FUT8: variants seen among roughly 807,000 people sequenced by gnomAD.
FUT8 encodes the protein fucosyltransferase 8.
In FUT8, 29 loss-of-function variants were observed where a neutral mutation model predicts 71.3. That is an observed-to-expected ratio of 0.41 (90% CI 0.30 to 0.55). The LOEUF (loss-of-function observed/expected upper bound fraction) is 0.55, where lower values mean the gene tolerates loss of function less well. FUT8 is among the 20% of genes least tolerant of loss of function. The probability of loss-of-function intolerance (pLI) is 0.34; values close to 1 mark genes in which losing one functional copy is unlikely to be tolerated. For synonymous variants in FUT8, 254 were observed against 239.3 expected, an observed-to-expected ratio of 1.06 and a Z score of -0.57; for missense variants, 544 against 702.1, an observed-to-expected ratio of 0.77 and a Z score of 2.55.
chr14:65,636,500 T>C (rs1409020665), intron 6 of FUT8: 1 of 152,222 alleles, frequency 6.6e-6, no homozygotes, highest in African/African-American at 2.4e-5. Context: ...ACTTTCCTCT[T>C]AGCACCACCT....
intron 7 of FUT8, among the ~76,000 whole-genome samples, chr14:65,709,166 CAA>C (rs1475127868): frequency 6.6e-6 from 1 of 151,834 alleles, no homozygotes; most frequent in Non-Finnish European, 1.5e-5. Flanking sequence ...TAAAACAAAA[CAA>C]ATATGTAGGT....
At chr14:65,566,923 C>G (rs1348766554) in intron 3 of FUT8, among the ~76,000 whole-genome samples, 1 of 151,882 alleles carries the variant, frequency 6.6e-6, no homozygotes, top group East Asian at 1.9e-4. Context: ...TTGAACCAGC[C>G]ATGTTGCTTC....
intron 1 of FUT8, among the ~76,000 whole-genome samples, chr14:65,416,633 C>A (rs2065223013): frequency 6.6e-6 from 1 of 151,902 alleles, no homozygotes; most frequent in Admixed American, 6.6e-5. Flanking sequence ...TACATTGCAG[C>A]TTGTTATAGT....
rs1896594958 is a variant in FUT8 at position 65,743,334 on chromosome 14, A to G, written c.*924A>G. 6.6e-6 allele frequency: 1 copy of G among 151,852 alleles called. No individual in the cohort carries two copies. The highest frequency in any genetic ancestry group is 1.5e-5 in the Non-Finnish European group (1 of 67,878). The allele number at this position is 151,852 out of a possible 1,614,324, so 9.4% of individuals were successfully genotyped here. On this transcript the variant is annotated 3_prime_UTR_variant, in exon 11 of 11. Coordinates refer to ENST00000673929, the MANE Select transcript of FUT8 (RefSeq NM_001371533.1). ...ATTTTAATACTGAAAACCAATTTTC[A>G]TTGGTACACATTACAAAATTGCTAA...
rs763718984 is a variant in FUT8 at position 65,700,381 on chromosome 14, G to GTTTTTTTTT, written c.836-21375_836-21367dup. 1.6e-3 allele frequency among the ~76,000 whole-genome samples: 80 copies of GTTTTTTTTT among 48,884 alleles called. 10 individuals are homozygous for GTTTTTTTTT. Among genetic ancestry groups the GTTTTTTTTT allele is most frequent in the African/African-American group, 1.9e-3 (22 of 11,838 alleles). The allele number at this position is 48,884 out of a possible 152,430, so 32.1% of individuals were successfully genotyped here. On this transcript the variant is annotated intron_variant, in intron 7 of 10. Coordinates refer to ENST00000673929, the MANE Select transcript of FUT8 (RefSeq NM_001371533.1). ...AAACTACTTTCTTTTCTTTCTTTCT[G>GTTTTTTTTT]TTTTTTTTTTTTTTTTTTTTTTTTT...
At chr14:65,538,370 T>C (rs1594751222) in intron 2 of FUT8, among the ~76,000 whole-genome samples, 1 of 152,008 alleles carries the variant, frequency 6.6e-6, no homozygotes, top group Non-Finnish European at 1.5e-5. Flanking sequence ...TCCTGAAGGG[T>C]TTCCAGCTTC....
chr14:65,400,407 C>T, the FUT8 span, among the ~76,000 whole-genome samples: 1 of 152,192 alleles, frequency 6.6e-6, no homozygotes, highest in African/African-American at 2.4e-5. Flanking sequence ...CCACAAGTGG[C>T]AGAGACATTA....
At chr14:65,524,435 CTT>C (rs1194913116) in intron 2 of FUT8, among the ~76,000 whole-genome samples, 2 of 152,178 alleles carry the variant, frequency 1.3e-5, no homozygotes, top group African/African-American at 4.8e-5. Context: ...TATCCTGAGA[CTT>C]TGCTGAAGTT....
At chr14:65,692,189 T>C (rs8014340) in intron 7 of FUT8, among the ~76,000 whole-genome samples, 148,520 of 150,912 alleles carry the variant, frequency 0.98, 73,136 homozygotes, top group Middle Eastern at 1. Context: ...CGGGCAGAGG[T>C]TCCCCTCACC....
At chr14:65,564,849 A>G (rs1886104764) in intron 3 of FUT8, among the ~76,000 whole-genome samples, 1 of 152,004 alleles carries the variant, frequency 6.6e-6, no homozygotes, top group African/African-American at 2.4e-5. Flanking sequence ...TGTCTGTATT[A>G]GTAGTTCATT....
In FUT8 at chr14:65,495,491, C is replaced by T. The variant is rs117752101; in HGVS notation, c.-228+39773C>T. ...AACAAATGGGAGTTATGTGTTCCTC[C>T]GGGGTATGGTCCATTTGTATATTGC... On this transcript the variant is annotated intron_variant, in intron 2 of 10. Transcript: ENST00000673929. 6.2e-3 allele frequency among the ~76,000 whole-genome samples: 948 copies of T among 152,056 alleles called. 11 individuals are homozygous for T. The highest frequency in any genetic ancestry group is 0.035 in the East Asian group (183 of 5,176).
At chr14:65,462,028 C>T (rs1377648701) in intron 2 of FUT8, among the ~76,000 whole-genome samples, 1 of 152,094 alleles carries the variant, frequency 6.6e-6, no homozygotes, top group African/African-American at 2.4e-5. Flanking sequence ...GTTTCAATTT[C>T]CTCATAGATA....
chr14:65,429,631 G>A (rs184737324), intron 1 of FUT8, among the ~76,000 whole-genome samples: 11 of 152,204 alleles, frequency 7.2e-5, no homozygotes, highest in Non-Finnish European at 1.0e-4. Context: ...TGGAGGCTGA[G>A]ATGGGAGGAT....
At chr14:65,387,257 T>A in the FUT8 span, among the ~76,000 whole-genome samples, 1 of 152,364 alleles carries the variant, frequency 6.6e-6, no homozygotes, top group South Asian at 2.1e-4. Context: ...GATAGGCAAG[T>A]GCAGAGCAAC....
At chr14:65,525,868 A>C (rs1036122741) in intron 2 of FUT8, among the ~76,000 whole-genome samples, 4 of 152,112 alleles carry the variant, frequency 2.6e-5, no homozygotes, top group African/African-American at 9.7e-5. Flanking sequence ...GTAGTTGAGC[A>C]GTTTTGAGTG....
intron 1 of FUT8, among the ~76,000 whole-genome samples, chr14:65,430,990 A>ATTTT (rs5809273): frequency 4.7e-5 from 6 of 127,020 alleles, no homozygotes; most frequent in South Asian, 2.6e-4. Flanking sequence ...TTTTCTACTA[A>ATTTT]TTTTTTTTTT....
chr14:65,682,236 C>G (rs1893070834), intron 7 of FUT8, among the ~76,000 whole-genome samples: 1 of 152,236 alleles, frequency 6.6e-6, no homozygotes, highest in African/African-American at 2.4e-5. Flanking sequence ...GGTGTGGTGG[C>G]TCACGCTTAT....
chr14:65,631,168 C>A (rs1890162765), intron 6 of FUT8, among the ~76,000 whole-genome samples: 2 of 152,148 alleles, frequency 1.3e-5, no homozygotes, highest in South Asian at 4.1e-4. Context: ...TCAACTAGAA[C>A]CTCACTCAGT....
chr14:65,430,680 A>G (rs1478064757), intron 1 of FUT8, among the ~76,000 whole-genome samples: 2 of 152,248 alleles, frequency 1.3e-5, no homozygotes, highest in Non-Finnish European at 2.9e-5. Context: ...ATATTTGTAC[A>G]GAGCATGAGA....
Sources: gnomAD v4.1 joint callset for allele counts (sites outside exome capture counted in the v4.1 genomes callset) on GRCh38, gnomAD v4.1.1 for gene constraint, MANE v1.5 for transcripts, NCBI Gene and HGNC (gene_info 2026-07-23, HGNC 2026-07-21) for gene names.